Variants in SDK1 observed in about 807,000 individuals in gnomAD.
SDK1 encodes the protein sidekick cell adhesion molecule 1, also known as protein sidekick-1.
A neutral mutation model predicts 245.5 loss-of-function variants in SDK1; 157 were observed. That is an observed-to-expected ratio of 0.64 (90% confidence interval 0.56 to 0.73). SDK1 has a LOEUF of 0.73. Ranked by LOEUF, SDK1 falls within the 30% of genes least tolerant of loss-of-function variation. The pLI is 0.00. For synonymous variants in SDK1, 1,647 were observed against 1,278.5 expected (o/e 1.29, Z -6.15); for missense variants, 3,583 against 3,002.3 (o/e 1.19, Z -4.52).
At chr7:3,670,837 T>G (rs892479756) in intron 4 of SDK1, among the ~76,000 whole-genome samples, 17 of 152,212 alleles carry the variant, frequency 1.1e-4, no homozygotes, top group African/African-American at 3.9e-4. Context: ...AGGTATCCCC[T>G]TTTACTACTG....
At chr7:3,488,886 T>G (rs989165776) in intron 1 of SDK1, among the ~76,000 whole-genome samples, 4 of 149,884 alleles carry the variant, frequency 2.7e-5, no homozygotes, top group Non-Finnish European at 5.9e-5. Context: ...CTTCTCTCTT[T>G]CCCTTCATTC....
chr7:3,516,168 CAT>C (rs1782743573), intron 1 of SDK1, among the ~76,000 whole-genome samples: 1 of 147,576 alleles, frequency 6.8e-6, no homozygotes, highest in Admixed American at 6.9e-5. Flanking sequence ...TGTATATAAA[CAT>C]ATATACATGC....
At chr7:3,554,330 A>G (rs1442533394) in intron 1 of SDK1, among the ~76,000 whole-genome samples, 2 of 152,224 alleles carry the variant, frequency 1.3e-5, no homozygotes, top group East Asian at 3.8e-4. Context: ...AAATGAAACA[A>G]CACACTATTA....
At chr7:3,909,440 G>A (rs527536138) in intron 5 of SDK1, among the ~76,000 whole-genome samples, 130 of 152,262 alleles carry the variant, frequency 8.5e-4, no homozygotes, top group African/African-American at 2.8e-3. Context: ...GACCTCCTCC[G>A]TCCTCCAGTT....
intron 1 of SDK1, among the ~76,000 whole-genome samples, chr7:3,317,646 T>C (rs919902308): frequency 6.6e-6 from 1 of 152,182 alleles, no homozygotes; most frequent in African/African-American, 2.4e-5. Context: ...ACTTGCAGAC[T>C]CTTCTCCCAT....
At chr7:4,010,495 C>T (rs1198375053) in intron 14 of SDK1, among the ~76,000 whole-genome samples, 3 of 152,136 alleles carry the variant, frequency 2.0e-5, no homozygotes, top group East Asian at 3.9e-4. Flanking sequence ...AGATGGGCTG[C>T]GAAATACACA....
At chr7:3,901,629 G>T (rs1781793596) in intron 5 of SDK1, among the ~76,000 whole-genome samples, 1 of 152,168 alleles carries the variant, frequency 6.6e-6, no homozygotes, top group African/African-American at 2.4e-5. Flanking sequence ...TTTTTCCTTT[G>T]TGAGTTATCA....
chr7:3,343,385 A>AT (rs1454310698), intron 1 of SDK1, among the ~76,000 whole-genome samples: 2 of 152,240 alleles, frequency 1.3e-5, no homozygotes, highest in East Asian at 1.9e-4. Context: ...ACATCGAGTG[A>AT]TAAAAAGCCT....
chr7:3,570,162 T>A (rs1361562137), intron 1 of SDK1, among the ~76,000 whole-genome samples: 1 of 152,164 alleles, frequency 6.6e-6, no homozygotes, highest in Non-Finnish European at 1.5e-5. Context: ...AAGTATCCCT[T>A]GACTCAACCT....
At chr7:3,656,752 T>C (rs1783197931) in intron 4 of SDK1, among the ~76,000 whole-genome samples, 1 of 150,772 alleles carries the variant, frequency 6.6e-6, no homozygotes, top group Admixed American at 6.6e-5. Flanking sequence ...TTTTTTTTTT[T>C]TTTTTTGAGA....
intron 4 of SDK1, among the ~76,000 whole-genome samples, chr7:3,670,210 C>G (rs888595015): frequency 6.6e-6 from 1 of 152,180 alleles, no homozygotes; most frequent in African/African-American, 2.4e-5. Flanking sequence ...TCTTGTTACT[C>G]TGTTCCTTCA....
intron 1 of SDK1, among the ~76,000 whole-genome samples, chr7:3,567,372 T>G (rs1364736751): frequency 6.6e-6 from 1 of 152,192 alleles, no homozygotes; most frequent in Non-Finnish European, 1.5e-5. Flanking sequence ...CAGCTATTAT[T>G]GTGGAATTAT....
chr7:3,946,566 C>G (rs976255450), intron 5 of SDK1, among the ~76,000 whole-genome samples: 2 of 152,146 alleles, frequency 1.3e-5, no homozygotes, highest in Non-Finnish European at 1.5e-5. Context: ...AGCCACTCAC[C>G]TTGGCCTCCC....
chr7:3,480,486 C>G (rs753932091), intron 1 of SDK1, among the ~76,000 whole-genome samples: 6 of 152,110 alleles, frequency 3.9e-5, no homozygotes, highest in Non-Finnish European at 8.8e-5. Flanking sequence ...TGCACATACG[C>G]TCATGTAGGA....
chr7:4,254,831 T>G (rs1031648972), intron 44 of SDK1, among the ~76,000 whole-genome samples: 6 of 152,186 alleles, frequency 3.9e-5, no homozygotes, highest in Non-Finnish European at 8.8e-5. Flanking sequence ...TGTGCTCTCA[T>G]GTTGCTCCTC....
intron 5 of SDK1, among the ~76,000 whole-genome samples, chr7:3,860,931 A>G (rs1446344860): frequency 3.3e-5 from 5 of 152,144 alleles, no homozygotes; most frequent in African/African-American, 2.4e-5. Flanking sequence ...CCTGCTTGCA[A>G]CAAAGGCCGA....
intron 5 of SDK1, among the ~76,000 whole-genome samples, chr7:3,885,308 A>G (rs1332048490): frequency 6.6e-6 from 1 of 152,150 alleles, no homozygotes; most frequent in Non-Finnish European, 1.5e-5. Context: ...CCCGGTGGCA[A>G]CAGAGTTCCT....
intron 4 of SDK1, among the ~76,000 whole-genome samples, chr7:3,800,950 C>G (rs758608648): frequency 2.0e-5 from 3 of 152,246 alleles, no homozygotes; most frequent in Non-Finnish European, 4.4e-5. Context: ...CTTTAACTTT[C>G]TTTTTTACAC....
chr7:3,850,550 A>G (rs956916233), intron 5 of SDK1, among the ~76,000 whole-genome samples: 4 of 152,158 alleles, frequency 2.6e-5, no homozygotes, highest in African/African-American at 9.7e-5. Flanking sequence ...ATAAAGACAC[A>G]TGCACACGTA....
Sources: gnomAD v4.1 joint callset for allele counts (sites outside exome capture counted in the v4.1 genomes callset) on GRCh38, gnomAD v4.1.1 for gene constraint, MANE v1.5 for transcripts, NCBI Gene and HGNC (gene_info 2026-07-23, HGNC 2026-07-21) for gene names.